The following CTNNA3 variants were observed in gnomAD, a reference collection of about 807,000 sequenced individuals.
CTNNA3 encodes catenin alpha 3.
In CTNNA3, 76 loss-of-function variants were observed where a neutral mutation model predicts 95.7. That is an observed-to-expected ratio of 0.79 (90% confidence interval 0.66 to 0.96). CTNNA3 has a LOEUF of 0.96. CTNNA3 is among the 40% of genes least tolerant of loss of function. The pLI, the probability that CTNNA3 is intolerant of heterozygous loss-of-function variation, is 0.00. For missense variants in CTNNA3, 1,191 were observed against 1,089.8 expected, an observed-to-expected ratio of 1.09 and a Z score of -1.31; for synonymous variants, 431 against 374.4, an observed-to-expected ratio of 1.15 and a Z score of -1.74.
intron 15 of CTNNA3, among the ~76,000 whole-genome samples, chr10:66,036,685 T>G (rs1342412432): frequency 6.6e-6 from 1 of 152,094 alleles, no homozygotes; most frequent in African/African-American, 2.4e-5. Context: ...TTGCCAGGCA[T>G]TCCTGATTAC....
chr10:67,051,250 C>T (rs892555756), intron 7 of CTNNA3, among the ~76,000 whole-genome samples: 1 of 152,128 alleles, frequency 6.6e-6, no homozygotes, highest in African/African-American at 2.4e-5. Flanking sequence ...AATTTTCTCC[C>T]AATTCAACAG....
At chr10:66,635,104 T>C (rs1484958477) in intron 9 of CTNNA3, among the ~76,000 whole-genome samples, 9 of 152,102 alleles carry the variant, frequency 5.9e-5, no homozygotes, top group Admixed American at 5.9e-4. Flanking sequence ...AGCTAGATAG[T>C]TTATTCAAGG....
intron 2 of CTNNA3, among the ~76,000 whole-genome samples, chr10:67,644,832 A>T (rs1839655640): frequency 6.6e-6 from 1 of 152,132 alleles, no homozygotes; most frequent in Non-Finnish European, 1.5e-5. Flanking sequence ...TGAGACGTTG[A>T]TGTTTTATAC....
chr10:67,613,800 A>G (rs974867438), intron 2 of CTNNA3, among the ~76,000 whole-genome samples: 11 of 151,848 alleles, frequency 7.2e-5, no homozygotes, highest in Admixed American at 2.0e-4. Flanking sequence ...CGGTTCCCCA[A>G]CCTTTTTGGT....
At chr10:66,256,044 C>T (rs2090758329) in intron 13 of CTNNA3, among the ~76,000 whole-genome samples, 1 of 152,164 alleles carries the variant, frequency 6.6e-6, no homozygotes, top group Non-Finnish European at 1.5e-5. Flanking sequence ...ACACAGAACC[C>T]AACTGGCAAC....
At chr10:66,218,482 T>C (rs1361448517) in intron 13 of CTNNA3, among the ~76,000 whole-genome samples, 6 of 152,174 alleles carry the variant, frequency 3.9e-5, no homozygotes, top group Non-Finnish European at 1.5e-5. Context: ...AGCTCAGTTC[T>C]AAAGAACTGA....
At chr10:67,704,189 T>C (rs1841062646) in intron 1 of CTNNA3, among the ~76,000 whole-genome samples, 1 of 152,124 alleles carries the variant, frequency 6.6e-6, no homozygotes, top group Non-Finnish European at 1.5e-5. Context: ...ATCGTGAAAA[T>C]GGCCATACTG....
In CTNNA3 at chr10:66,752,427, A is replaced by T. The variant is rs187197583; in HGVS notation, c.1281+13837T>A. On this transcript the variant is annotated intron_variant, in intron 9 of 17. Transcript: ENST00000433211. ...AAACTTTGACCCTTTATTTCACACC[A>T]CTAATTAACTAATATACAATAATTA... is the stretch of plus-strand genomic sequence containing the variant. Among the ~76,000 whole-genome samples the T allele has an allele frequency of 4.2e-3, 633 of 152,284 alleles. 1 individual carries two copies. Among genetic ancestry groups the T allele is most frequent in the African/African-American group, 0.014 (599 of 41,566 alleles).
Position 66,702,323 on chromosome 10 carries a change from T to A in CTNNA3, c.1281+63941A>T, listed in dbSNP as rs116074110. On this transcript the variant is annotated intron_variant, in intron 9 of 17. Transcript: ENST00000433211. Reference sequence around the variant, plus strand: ...TTTTTTAGGTGAGAGAAAAAAAAAATCAAAACAGTTGAAGGACCAGGAAGT... The same window carrying A: ...TTTTTTAGGTGAGAGAAAAAAAAAAACAAAACAGTTGAAGGACCAGGAAGT... Among the ~76,000 whole-genome samples the A allele has an allele frequency of 5.4e-3, 818 of 151,620 alleles. 14 individuals are homozygous for A. The highest frequency in any genetic ancestry group is 0.019 in the African/African-American group (768 of 41,326).
At chr10:67,042,795 A>G (rs1193468279) in intron 7 of CTNNA3, among the ~76,000 whole-genome samples, 2 of 152,192 alleles carry the variant, frequency 1.3e-5, no homozygotes, top group African/African-American at 4.8e-5. Flanking sequence ...CCATGGTGTC[A>G]GTTGTCAATG....
rs186466875 is a variant in CTNNA3, at chr10:66,386,812, C to T, written c.1532-7460G>A. 6.1e-4 allele frequency among the ~76,000 whole-genome samples: 93 copies of T among 152,268 alleles called. 1 individual carries two copies. The East Asian group carries it at 0.018, about 29-fold the overall frequency. ...TGCCACATATCTACAACCATCTGAT[C>T]TTTGACAAACCTGACAAAAACAAGA... On this transcript the variant is annotated intron_variant, in intron 11 of 17. Coordinates refer to ENST00000433211, the MANE Select transcript of CTNNA3 (RefSeq NM_013266.4).
chr10:66,754,988 A>G (rs1839307875), intron 9 of CTNNA3, among the ~76,000 whole-genome samples: 1 of 152,172 alleles, frequency 6.6e-6, no homozygotes, highest in Non-Finnish European at 1.5e-5. Flanking sequence ...ATGAAACAGT[A>G]TATCTACACA....
At chr10:67,754,108 T>TA (rs2131751373) in intron 1 of CTNNA3, among the ~76,000 whole-genome samples, 1 of 152,248 alleles carries the variant, frequency 6.6e-6, no homozygotes, top group East Asian at 1.9e-4. Context: ...ATGTGGTACA[T>TA]ACACACCATG....
intron 11 of CTNNA3, among the ~76,000 whole-genome samples, chr10:66,400,290 GAGAA>G (rs1299400489): frequency 2.0e-5 from 3 of 152,050 alleles, no homozygotes; most frequent in African/African-American, 7.2e-5. Flanking sequence ...CAAGGCAAAA[GAGAA>G]ACATAATCTG....
intron 5 of CTNNA3, among the ~76,000 whole-genome samples, chr10:67,264,017 T>C (rs1866719092): frequency 5.3e-5 from 8 of 151,582 alleles, no homozygotes; most frequent in Admixed American, 5.3e-4. Flanking sequence ...GAAAGTTTCT[T>C]TAAAAAAAAA....
At chr10:67,016,822 A>AT (rs1212997201) in intron 7 of CTNNA3, among the ~76,000 whole-genome samples, 2 of 152,080 alleles carry the variant, frequency 1.3e-5, no homozygotes, top group Non-Finnish European at 2.9e-5. Context: ...CTTCTTTGAT[A>AT]ATTTTAGTAG....
intron 7 of CTNNA3, among the ~76,000 whole-genome samples, chr10:66,880,720 G>A (rs1010471144): frequency 3.9e-5 from 6 of 152,046 alleles, no homozygotes; most frequent in African/African-American, 1.4e-4. Context: ...TTAACTGTGG[G>A]TTTTTTAATC....
At chr10:66,067,761 C>T (rs2080343356) in intron 15 of CTNNA3, among the ~76,000 whole-genome samples, 1 of 151,898 alleles carries the variant, frequency 6.6e-6, no homozygotes, top group African/African-American at 2.4e-5. Context: ...ACTAAAAATA[C>T]AAAAATTAGC....
At chr10:66,195,844 A>G (rs1313038537) in intron 13 of CTNNA3, among the ~76,000 whole-genome samples, 1 of 151,616 alleles carries the variant, frequency 6.6e-6, no homozygotes, top group East Asian at 1.9e-4. Flanking sequence ...TGAAAAAGCA[A>G]CATCCTGCTG....
Sources: allele counts gnomAD v4.1 joint callset (sites outside exome capture counted in the v4.1 genomes callset), GRCh38; gene constraint gnomAD v4.1.1; transcripts MANE v1.5; gene names NCBI Gene and HGNC (gene_info 2026-07-23, HGNC 2026-07-21).